The following CACNA1S variants were observed in gnomAD, a reference collection of about 807,000 sequenced individuals.
The protein encoded by CACNA1S is calcium voltage-gated channel subunit alpha1 S.
CACNA1S carries 126 observed loss-of-function variants against 207.4 expected under a neutral mutation model. That is an observed-to-expected ratio of 0.61 (90% CI 0.53 to 0.70). The LOEUF (loss-of-function observed/expected upper bound fraction) is 0.70, where lower values mean the gene tolerates loss of function less well. Ranked by LOEUF, CACNA1S falls within the 30% of genes least tolerant of loss-of-function variation. CACNA1S has a pLI of 0.00. For synonymous variants in CACNA1S, 960 were observed against 932.7 expected, an observed-to-expected ratio of 1.03 and a Z score of -0.53; for missense variants, 2,349 against 2,422.8, an observed-to-expected ratio of 0.97 and a Z score of 0.64.
At chr1:201,046,978 A>AT in intron 38 of CACNA1S, 137 bp downstream of exon 38, 2 of 1,228,988 alleles carry the variant, frequency 1.6e-6, no homozygotes, top group South Asian at 1.2e-5. Context: ...CTGTCTTGAC[A>AT]TTTTTTCACT....
intron 10 of CACNA1S, among the ~76,000 whole-genome samples, chr1:201,079,813 C>A (rs1057087812): frequency 2.6e-5 from 4 of 152,178 alleles, no homozygotes; most frequent in Admixed American, 2.0e-4. Context: ...GTAGAACACC[C>A]CTTTTCTCTT....
intron 28 of CACNA1S, among the ~76,000 whole-genome samples, chr1:201,055,869 C>T (rs761360939): frequency 6.6e-5 from 10 of 152,180 alleles, no homozygotes; most frequent in Non-Finnish European, 1.2e-4. Flanking sequence ...TCCAGGCTTC[C>T]GCTACACAGA....
intron 2 of CACNA1S, among the ~76,000 whole-genome samples, chr1:201,104,776 T>C (rs1031892155): frequency 6.6e-6 from 1 of 152,208 alleles, no homozygotes; most frequent in Non-Finnish European, 1.5e-5. Context: ...AATTAGGAAG[T>C]CTGATAATTG....
chr1:201,066,161 C>T lies in CACNA1S; in HGVS notation c.2745+68G>A. ...CCCAGCCATGGCTGGGCTGAGGTTT[C>T]TGGAGCGAGGAGGCCCCTGTAACCC... is the stretch of plus-strand genomic sequence containing the variant. On this transcript the variant is annotated intron_variant, in intron 21 of 43. Coordinates refer to ENST00000362061, the MANE Select transcript of CACNA1S (RefSeq NM_000069.3). This position sits in a 1 kb window ranked among gnomAD's most constrained non-coding sequence, Gnocchi z 4.3. 2 of 1,473,332 alleles carry T rather than the reference C, an allele frequency of 1.4e-6. No individual in the cohort carries two copies. 91.3% of individuals were successfully genotyped at this position (1,473,332 alleles called of 1,614,324 possible). A position where few individuals can be genotyped will look rare whatever the true frequency, so the allele number is the denominator to read the frequency against.
intron 14 of CACNA1S, 53 bp downstream of exon 14, chr1:201,074,453 G>T: frequency 1.8e-6 from 2 of 1,132,534 alleles, no homozygotes; most frequent in Non-Finnish European, 2.7e-6. Context: ...GAGCTGGAAG[G>T]CCATGGCCAC....
chr1:201,047,702 C>T, intron 36 of CACNA1S, 76 bp from the exon 37 acceptor site: 1 of 943,992 alleles, frequency 1.1e-6, no homozygotes, highest in East Asian at 2.4e-5. Flanking sequence ...TCTTTCTGAA[C>T]CTTTCAGACA....
chr1:201,043,201 C>T, intron 40 of CACNA1S, 80 bp downstream of exon 40: 1 of 1,594,462 alleles, frequency 6.3e-7, no homozygotes, highest in Non-Finnish European at 8.6e-7. Context: ...TTGGGGTACC[C>T]TCTTCCAATC....
intron 6 of CACNA1S, among the ~76,000 whole-genome samples, chr1:201,088,290 G>C (rs996028070): frequency 6.6e-6 from 1 of 152,132 alleles, no homozygotes; most frequent in African/African-American, 2.4e-5. Flanking sequence ...AATGAACAAC[G>C]TCTGTGACCC....
chr1:201,057,458 T>C (rs1425963984), intron 28 of CACNA1S, among the ~76,000 whole-genome samples: 1 of 152,254 alleles, frequency 6.6e-6, no homozygotes, highest in East Asian at 1.9e-4. Context: ...GTACTTGTCA[T>C]ACCTGTCATA....
chr1:201,076,414 C>T (rs958948554), intron 12 of CACNA1S, among the ~76,000 whole-genome samples: 12 of 152,238 alleles, frequency 7.9e-5, no homozygotes, highest in African/African-American at 2.9e-4. Context: ...ACTAAGAAAA[C>T]TCCTCCAGGA....
Position 201,091,493 on chromosome 1 carries a change from C to A in CACNA1S, c.694+147G>T. The A allele has an allele frequency of 1.3e-5, 12 of 897,378 alleles. No individual in the cohort carries two copies. The South Asian group carries it at 1.5e-4, about 11-fold the overall frequency. The allele number at this position is 897,378 out of a possible 1,614,324, so 55.6% of individuals were successfully genotyped here. ...AGTAGAGCTGCCCTTCCTCCAAGTC[C>A]CCCTTATCCAGGAGAAACCCATTCT... On this transcript the variant is annotated intron_variant, in intron 5 of 43. Transcript: ENST00000362061.
intron 2 of CACNA1S, among the ~76,000 whole-genome samples, chr1:201,101,238 G>A (rs371734070): frequency 3.3e-5 from 5 of 152,250 alleles, no homozygotes; most frequent in Admixed American, 6.5e-5. Flanking sequence ...GAGAGGCTGC[G>A]GGCTGGGGAA....
chr1:201,093,848 T>C, intron 3 of CACNA1S, 34 bp downstream of exon 3: 2 of 1,612,840 alleles, frequency 1.2e-6, no homozygotes. Flanking sequence ...TCAGCGAGGG[T>C]CTGACCTTCA....
intron 15 of CACNA1S, among the ~76,000 whole-genome samples, chr1:201,073,246 G>A (rs919690879): frequency 6.6e-6 from 1 of 152,206 alleles, no homozygotes; most frequent in African/African-American, 2.4e-5. Context: ...AAGCCGGTCT[G>A]GGCCTCTCAG....
In CACNA1S at chr1:201,043,469, G is replaced by C; in HGVS notation, c.4860C>G (p.Pro1620=). Residue 1620 remains proline (P), a synonymous_variant, in exon 40 of 44, where the codon CCC becomes CCG. Transcript: ENST00000362061. ...GGAGGGGTCTCTGATTGGCCATGAC[G>C]GGGGGCAGGGAGTTGGTCCTTTCCA... is the stretch of plus-strand genomic sequence containing the variant. ...NFLERTNSLP[P]VMANQRPLQF... The C allele has an allele frequency of 1.2e-6, 2 of 1,613,856 alleles. No homozygotes were observed. The highest frequency in any genetic ancestry group is 1.7e-6 in the Non-Finnish European group (2 of 1,179,930).
chr1:201,059,332 G>A (rs1369601965), intron 26 of CACNA1S, 33 bp from the exon 27 acceptor site: 1 of 1,483,720 alleles, frequency 6.7e-7, no homozygotes. Context: ...GTGGGTCAGG[G>A]GGGCCGGGTT....
rs758354862 is a variant in CACNA1S at position 201,077,968 on chromosome 1, C to A, written c.1530G>T (p.Glu510Asp). ...DCFVVCSGIL[E>D]ILLVESGAMT... Reference sequence around the variant, plus strand: ...TGGCACCCGACTCCACCAGCAGGATCTCCAGGATACCGCTACACACCACGA... The same window carrying A: ...TGGCACCCGACTCCACCAGCAGGATATCCAGGATACCGCTACACACCACGA... The change falls in exon 11 of 44, where the codon GAG (glutamate) becomes GAT (aspartate). Residue 510 changes from glutamate to aspartate, a missense_variant. Coordinates refer to ENST00000362061, the MANE Select transcript of CACNA1S (RefSeq NM_000069.3). 7.4e-6 allele frequency: 12 copies of A among 1,614,078 alleles called. No homozygotes were observed. In the East Asian group the frequency reaches 2.7e-4, roughly 36 times the overall value.
chr1:201,073,475 C>G, intron 15 of CACNA1S, 74 bp downstream of exon 15: 1 of 1,222,086 alleles, frequency 8.2e-7, no homozygotes, highest in Non-Finnish European at 1.2e-6. Context: ...CCACCTGTAC[C>G]CTGTGGTATG....
chr1:201,087,755 C>G, intron 7 of CACNA1S, 71 bp downstream of exon 7: 1 of 1,062,798 alleles, frequency 9.4e-7, no homozygotes. Context: ...CCCTCCGTTC[C>G]TTTTCCTTCC....
Sources: allele counts gnomAD v4.1 joint callset (sites outside exome capture counted in the v4.1 genomes callset), GRCh38; gene constraint gnomAD v4.1.1; non-coding constraint Gnocchi (gnomAD v3.1); transcripts MANE v1.5; gene names NCBI Gene and HGNC (gene_info 2026-07-23, HGNC 2026-07-21).